The following PAM variants were observed in gnomAD, a reference collection of about 807,000 sequenced individuals.
The protein encoded by PAM is peptidyl-glycine alpha-amidating monooxygenase.
Under a neutral mutation model 122.1 loss-of-function variants are expected in PAM, and 72 were observed. That is an observed-to-expected ratio of 0.59 (90% CI 0.49 to 0.72). The LOEUF (loss-of-function observed/expected upper bound fraction) is 0.72. Among genes scored for constraint, PAM ranks in the 30% least tolerant of loss-of-function variants. PAM has a pLI of 0.00. For missense variants in PAM, 1,106 were observed against 1,183.7 expected, an observed-to-expected ratio of 0.93 and a Z score of 0.96; for synonymous variants, 389 against 404.4, an observed-to-expected ratio of 0.96 and a Z score of 0.46.
chr5:102,902,222 T>C lies in PAM; in HGVS notation c.268+809T>C, dbSNP rs377070332. On this transcript the variant is annotated intron_variant, in intron 4 of 25. Transcript: ENST00000438793. ...TAATCTTCAAGTGGGCTGTCTGAAC[T>C]GGCTATTATGTGAATTGTGAAATGT... Among the ~76,000 whole-genome samples, 23 of 151,754 alleles carry C rather than the reference T, an allele frequency of 1.5e-4. 1 individual carries two copies. Among genetic ancestry groups the C allele is most frequent in the African/African-American group, 5.5e-4 (23 of 41,512 alleles).
At chr5:102,864,529 T>G (rs1785002391) in intron 1 of PAM, 2 of 152,224 alleles carry the variant, frequency 1.3e-5, no homozygotes, top group South Asian at 4.1e-4. Flanking sequence ...ATATGGTATC[T>G]AGAAAGCACT....
At chr5:102,786,889 A>G (rs1760695174) in intron 1 of PAM, among the ~76,000 whole-genome samples, 1 of 152,172 alleles carries the variant, frequency 6.6e-6, no homozygotes. Context: ...TATAAATAAG[A>G]TAACTACCAA....
chr5:102,954,064 G>T (rs1241149878), intron 12 of PAM, among the ~76,000 whole-genome samples: 1 of 151,902 alleles, frequency 6.6e-6, no homozygotes. Context: ...AAAAAGATAG[G>T]TAAGCAAAGT....
intron 16 of PAM, among the ~76,000 whole-genome samples, chr5:102,996,474 T>C (rs1775737237): frequency 6.6e-6 from 1 of 152,202 alleles, no homozygotes; most frequent in African/African-American, 2.4e-5. Flanking sequence ...AAGGGTTACC[T>C]TTCTTTGAAT....
chr5:102,756,972 C>T (rs919555454), intron 1 of PAM, among the ~76,000 whole-genome samples: 2 of 152,132 alleles, frequency 1.3e-5, no homozygotes, highest in South Asian at 2.1e-4. Flanking sequence ...TATGAACAGT[C>T]TTCTAATGAC....
intron 9 of PAM, 119 bp downstream of exon 9, chr5:102,948,564 G>T: frequency 1.7e-6 from 1 of 595,316 alleles, no homozygotes; most frequent in Non-Finnish European, 3.0e-6. Flanking sequence ...TTGGAAAAAT[G>T]AACCAATACT....
chr5:102,853,821 A>G (rs1781918765), intron 1 of PAM, among the ~76,000 whole-genome samples: 1 of 152,272 alleles, frequency 6.6e-6, no homozygotes, highest in African/African-American at 2.4e-5. Flanking sequence ...GGTGAAGCCC[A>G]GAGTCACTGC....
intron 15 of PAM, among the ~76,000 whole-genome samples, chr5:102,977,325 G>A (rs1768000907): frequency 6.6e-6 from 1 of 152,134 alleles, no homozygotes; most frequent in Non-Finnish European, 1.5e-5. Context: ...TGGTCACCAA[G>A]CTACATGAAG....
At position 103,009,805 on chromosome 5, in the gene PAM, A is replaced by G; in HGVS notation, c.2270A>G (p.Gln757Arg). ...CATTTTGGGGACCAAGAACCTGTACAAGGATTTGTGATGAACTTTTCCAAT... is the reference window on the plus strand; with the variant it reads ...CATTTTGGGGACCAAGAACCTGTACGAGGATTTGTGATGAACTTTTCCAAT... The part of the protein sequence containing the change: ...KPHFGDQEPV[Q>R]GFVMNFSNGE... The change falls in exon 21 of 26, where the codon CAA becomes CGA. Residue 757 changes from glutamine (Q) to arginine (R), a missense_variant. Around this residue, in one of 3 missense-constraint regions of PAM, gnomAD observed 333 missense variants for 335.6 expected, o/e 0.99. Transcript: ENST00000438793. 1 of 1,612,828 alleles carries G rather than the reference A, an allele frequency of 6.2e-7. No individual in the cohort carries two copies.
At chr5:102,816,425 C>T (rs1330467779) in intron 1 of PAM, among the ~76,000 whole-genome samples, 3 of 152,104 alleles carry the variant, frequency 2.0e-5, no homozygotes, top group Non-Finnish European at 4.4e-5. Flanking sequence ...CTTTTCTCCC[C>T]TTAGTAGCAA....
At chr5:102,966,948 A>C (rs1764258147) in intron 14 of PAM, among the ~76,000 whole-genome samples, 1 of 152,172 alleles carries the variant, frequency 6.6e-6, no homozygotes, top group African/African-American at 2.4e-5. Flanking sequence ...AAAAAATAAT[A>C]GCACCTGCCT....
At chr5:102,914,974 G>A (rs1052633975) in intron 5 of PAM, among the ~76,000 whole-genome samples, 7 of 152,000 alleles carry the variant, frequency 4.6e-5, no homozygotes, top group Non-Finnish European at 1.0e-4. Flanking sequence ...GAGGTTCTAG[G>A]AAAAATAAGA....
chr5:102,989,796 T>TTAGATAGACAGATAGATAGATAGATAGA (rs148767388), intron 15 of PAM: 23 of 147,968 alleles, frequency 1.6e-4, no homozygotes, highest in African/African-American at 5.8e-4. Context: ...AGATGATAGA[T>TTAGATAGACAGATAGATAGATAGATAGA]TAGATAGATA....
intron 3 of PAM, among the ~76,000 whole-genome samples, chr5:102,868,359 A>C (rs1217176719): frequency 6.6e-6 from 1 of 152,228 alleles, no homozygotes; most frequent in Non-Finnish European, 1.5e-5. Context: ...TAGAGAATAC[A>C]CATGGGCCTT....
intron 1 of PAM, among the ~76,000 whole-genome samples, chr5:102,823,329 C>T (rs925125399): frequency 2.6e-5 from 4 of 151,908 alleles, no homozygotes; most frequent in Non-Finnish European, 2.9e-5. Context: ...TCATAAGTTG[C>T]TATAAAAATC....
chr5:102,757,324 A>AG (rs1750707458), intron 1 of PAM, among the ~76,000 whole-genome samples: 1 of 112,666 alleles, frequency 8.9e-6, no homozygotes, highest in Non-Finnish European at 1.9e-5. Flanking sequence ...AGACTCTCTC[A>AG]AAAAAAGATA....
chr5:102,859,445 T>C (rs780524727), intron 1 of PAM, among the ~76,000 whole-genome samples: 3 of 151,936 alleles, frequency 2.0e-5, no homozygotes, highest in African/African-American at 4.8e-5. Context: ...AATAAAGATA[T>C]ACAGAAAGAA....
intron 1 of PAM, among the ~76,000 whole-genome samples, chr5:102,755,951 G>A (rs1750170494): frequency 6.6e-6 from 1 of 152,026 alleles, no homozygotes; most frequent in African/African-American, 2.4e-5. Context: ...TGTAATACGC[G>A]GGCGAAGGGC....
chr5:102,915,406 T>A (rs555960651), intron 5 of PAM, among the ~76,000 whole-genome samples: 1 of 152,248 alleles, frequency 6.6e-6, no homozygotes, highest in Admixed American at 6.6e-5. Flanking sequence ...TAGGCTTAAG[T>A]TATTTGATGA....
Sources: allele counts gnomAD v4.1 joint callset (sites outside exome capture counted in the v4.1 genomes callset), GRCh38; gene constraint gnomAD v4.1.1; regional missense constraint gnomAD v4.1.1; transcripts MANE v1.5; gene names NCBI Gene and HGNC (gene_info 2026-07-23, HGNC 2026-07-21).